RASGEF1C: variants seen among roughly 807,000 people sequenced by gnomAD.
The protein encoded by RASGEF1C is RasGEF domain family member 1C.
A neutral mutation model predicts 58.1 loss-of-function variants in RASGEF1C; 27 were observed. The observed-to-expected ratio is 0.46, with a 90% CI of 0.34 to 0.64. The LOEUF is 0.64. Ranked by LOEUF, RASGEF1C falls within the 30% of genes least tolerant of loss-of-function variation. The pLI is 0.01. For synonymous variants in RASGEF1C, 243 were observed against 246.3 expected (o/e 0.99, Z 0.13); for missense variants, 502 against 605.1 (o/e 0.83, Z 1.79).
rs1297532430 is a variant in RASGEF1C at position 180,113,818 on chromosome 5, C to T, written c.1179+628G>A. 4.7e-5 allele frequency among the ~76,000 whole-genome samples: 7 copies of T among 149,942 alleles called. No homozygotes were observed. In the South Asian group the frequency reaches 1.3e-3, roughly 27 times the overall value. On this transcript the variant is annotated intron_variant, in intron 11 of 13. Transcript: ENST00000361132. ...GAGGGACCGAGGATGGATGGAGGGA[C>T]CGAGGATGGATGGAGGGACCGAGGA...
At chr5:180,114,325 G>T in intron 11 of RASGEF1C, 121 bp downstream of exon 11, 2 of 889,810 alleles carry the variant, frequency 2.2e-6, no homozygotes, top group Non-Finnish European at 3.5e-6. Context: ...AAGGTCGGCT[G>T]TGAACTGCTC....
intron 1 of RASGEF1C, among the ~76,000 whole-genome samples, chr5:180,141,881 T>C (rs899240735): frequency 3.9e-5 from 6 of 151,940 alleles, no homozygotes; most frequent in Admixed American, 3.9e-4. Flanking sequence ...AGCTAATTTT[T>C]GTATTTTTGG....
At chr5:180,174,531 T>G (rs1185201638) in intron 1 of RASGEF1C, among the ~76,000 whole-genome samples, 1 of 146,524 alleles carries the variant, frequency 6.8e-6, no homozygotes, top group Non-Finnish European at 1.5e-5. Context: ...CACGTGTGTC[T>G]CTGTGTGTGC....
chr5:180,164,421 C>A (rs549932357), intron 1 of RASGEF1C, among the ~76,000 whole-genome samples: 64 of 152,178 alleles, frequency 4.2e-4, no homozygotes, highest in Non-Finnish European at 6.9e-4. Context: ...TTATGGGGTA[C>A]AATGTGATGT....
intron 1 of RASGEF1C, among the ~76,000 whole-genome samples, chr5:180,176,147 A>G (rs768463779): frequency 5.3e-5 from 8 of 152,048 alleles, no homozygotes; most frequent in Admixed American, 1.3e-4. Context: ...GGACTTCAGG[A>G]CCTCCTGGTT....
intron 7 of RASGEF1C, among the ~76,000 whole-genome samples, chr5:180,120,035 G>A (rs560820003): frequency 5.3e-5 from 8 of 152,252 alleles, no homozygotes; most frequent in Admixed American, 3.3e-4. Flanking sequence ...GCCCAGGCTC[G>A]GCCCTCTCGC....
Position 180,137,643 on chromosome 5 carries a change from C to A in RASGEF1C, c.247G>T (p.Val83Phe). ...FIEPRELLAR[V>F]CHLCIEQQQL... ...TGCTGCTCGATGCACAGGTGGCAGA[C>A]CCGGGCCAGGAGCTCCCGGGGCTCG... Residue 83 changes from valine to phenylalanine, a missense_variant, in exon 3 of 14, where the codon GTC becomes TTC. Coordinates refer to ENST00000361132, the MANE Select transcript of RASGEF1C (RefSeq NM_175062.4). The surrounding 1 kb of genome is among the most constrained non-coding windows in gnomAD (Gnocchi z 4.1). 6.2e-7 allele frequency: 1 copy of A among 1,612,628 alleles called. No individual in the cohort carries two copies. Among genetic ancestry groups the A allele is most frequent in the Non-Finnish European group, 8.5e-7 (1 of 1,179,970 alleles).
intron 1 of RASGEF1C, among the ~76,000 whole-genome samples, chr5:180,208,602 C>G (rs1056558547): frequency 2.6e-5 from 4 of 152,144 alleles, no homozygotes; most frequent in South Asian, 2.1e-4. Flanking sequence ...TTCCCCCAGG[C>G]GCAAGGCCCT....
chr5:180,152,286 C>T (rs1367697155), intron 1 of RASGEF1C, among the ~76,000 whole-genome samples: 1 of 152,100 alleles, frequency 6.6e-6, no homozygotes, highest in Admixed American at 6.5e-5. Context: ...CGGCACTATT[C>T]ACAATAGCAA....
intron 12 of RASGEF1C, among the ~76,000 whole-genome samples, chr5:180,103,810 G>C (rs1249437721): frequency 6.6e-6 from 1 of 152,204 alleles, no homozygotes; most frequent in Non-Finnish European, 1.5e-5. Context: ...GTTTGCAGAA[G>C]CGTTTCTGTG....
At chr5:180,116,475 T>C (rs1766069952) in intron 10 of RASGEF1C, among the ~76,000 whole-genome samples, 1 of 151,794 alleles carries the variant, frequency 6.6e-6, no homozygotes, top group Admixed American at 6.6e-5. Flanking sequence ...CCTCCACCCC[T>C]CTCCATCCAT....
chr5:180,182,357 G>T (rs538097871), intron 1 of RASGEF1C, among the ~76,000 whole-genome samples: 2 of 152,226 alleles, frequency 1.3e-5, no homozygotes, highest in East Asian at 3.9e-4. Flanking sequence ...GACCTTCACG[G>T]TGAGTGTTAC....
At chr5:180,205,441 CAGAA>C (rs1756470418) in intron 1 of RASGEF1C, among the ~76,000 whole-genome samples, 1 of 152,082 alleles carries the variant, frequency 6.6e-6, no homozygotes, top group Non-Finnish European at 1.5e-5. Flanking sequence ...TCTTGACAAA[CAGAA>C]AGACATCTCT....
intron 1 of RASGEF1C, among the ~76,000 whole-genome samples, chr5:180,201,971 G>A (rs1206287466): frequency 6.6e-6 from 1 of 152,100 alleles, no homozygotes; most frequent in African/African-American, 2.4e-5. Flanking sequence ...TGATACAGAT[G>A]AACAGATGAA....
In RASGEF1C at chr5:180,119,364, AGTTGAAGTTGCCGAT is replaced by A; in HGVS notation, c.874_888del (p.Ile292_Asn296del). ...CACTCACAGATGATGGCCATGAGGG[AGTTGAAGTTGCCGAT>A]GTTGAAGCACTCGCGGGCCACGTCG... On this transcript the variant is annotated inframe_deletion, in exon 8 of 14. Coordinates refer to ENST00000361132, the MANE Select transcript of RASGEF1C (RefSeq NM_175062.4). The A allele has an allele frequency of 6.2e-7, 1 of 1,613,804 alleles. No individual in the cohort carries two copies. The highest frequency in any genetic ancestry group is 2.2e-5 in the East Asian group (1 of 44,864).
chr5:180,174,103 T>G (rs1751567733), intron 1 of RASGEF1C, among the ~76,000 whole-genome samples: 1 of 151,692 alleles, frequency 6.6e-6, no homozygotes, highest in South Asian at 2.1e-4. Flanking sequence ...AAACACTCAG[T>G]GCATGGAGCC....
chr5:180,188,165 C>T (rs1034608268), intron 1 of RASGEF1C, among the ~76,000 whole-genome samples: 6 of 152,114 alleles, frequency 3.9e-5, no homozygotes, highest in African/African-American at 1.2e-4. Flanking sequence ...GAATCAAGTA[C>T]AGATACATGT....
At chr5:180,170,467 G>C (rs1175728770) in intron 1 of RASGEF1C, among the ~76,000 whole-genome samples, 1 of 152,192 alleles carries the variant, frequency 6.6e-6, no homozygotes, top group East Asian at 1.9e-4. Flanking sequence ...AAGTTGTAGC[G>C]TCTCATTCAA....
At chr5:180,118,587 G>A (rs370547572) in intron 10 of RASGEF1C, 22 bp downstream of exon 10, 8 of 1,583,936 alleles carry the variant, frequency 5.1e-6, no homozygotes, top group African/African-American at 4.0e-5. Context: ...AGCCCCCCTG[G>A]GCCAACGTGG....
Sources: gnomAD v4.1 joint callset for allele counts (sites outside exome capture counted in the v4.1 genomes callset) on GRCh38, gnomAD v4.1.1 for gene constraint, Gnocchi (gnomAD v3.1) non-coding constraint, MANE v1.5 for transcripts, NCBI Gene and HGNC (gene_info 2026-07-23, HGNC 2026-07-21) for gene names.